CACNA2D2: variants seen among roughly 807,000 people sequenced by gnomAD.
CACNA2D2 encodes voltage-dependent calcium channel subunit alpha-2/delta-2.
CACNA2D2 carries 48 observed loss-of-function variants against 166.4 expected under a neutral mutation model. That is an observed-to-expected ratio of 0.29 (90% confidence interval 0.23 to 0.37). The LOEUF is 0.37. CACNA2D2 is among the 10% of genes least tolerant of loss of function. CACNA2D2 has a pLI of 1.00. For synonymous variants in CACNA2D2, 561 were observed against 573.7 expected (o/e 0.98, Z 0.32); for missense variants, 1,122 against 1,433.0 (o/e 0.78, Z 3.50).
At chr3:50,377,660 C>T in intron 16 of CACNA2D2, 72 bp downstream of exon 16, 1 of 1,569,284 alleles carries the variant, frequency 6.4e-7, no homozygotes. Context: ...CCTCTTCCAC[C>T]CTCAGACCTG....
At chr3:50,410,143 G>A (rs1706927754) in intron 3 of CACNA2D2, among the ~76,000 whole-genome samples, 1 of 152,224 alleles carries the variant, frequency 6.6e-6, no homozygotes, top group Non-Finnish European at 1.5e-5. Flanking sequence ...ACTGCTGGGG[G>A]TCAGTGTTGA....
intron 22 of CACNA2D2, among the ~76,000 whole-genome samples, chr3:50,372,341 G>T (rs1053467920): frequency 6.6e-6 from 1 of 152,160 alleles, no homozygotes; most frequent in African/African-American, 2.4e-5. Context: ...ATTTCCCCAG[G>T]GAAACACCTT....
chr3:50,476,237 TGCCCA>T, intron 1 of CACNA2D2, 38 bp from the exon 2 acceptor site: 2 of 1,513,474 alleles, frequency 1.3e-6, no homozygotes, highest in Non-Finnish European at 1.8e-6. Flanking sequence ...CAGGAGGGCC[TGCCCA>T]GAGCTGCACA....
At chr3:50,403,050 G>T (rs1003935972) in intron 3 of CACNA2D2, among the ~76,000 whole-genome samples, 2 of 152,162 alleles carry the variant, frequency 1.3e-5, no homozygotes, top group African/African-American at 4.8e-5. Context: ...CCCTTGTCCA[G>T]CCACAGAGGC....
chr3:50,405,997 C>T (rs1283493258), intron 3 of CACNA2D2, among the ~76,000 whole-genome samples: 1 of 151,826 alleles, frequency 6.6e-6, no homozygotes, highest in Non-Finnish European at 1.5e-5. Flanking sequence ...AATCTCTACC[C>T]CCTATCCATT....
At chr3:50,394,315 C>T (rs1422281714) in intron 3 of CACNA2D2, 147 bp from the exon 4 acceptor site, 22 of 686,578 alleles carry the variant, frequency 3.2e-5, no homozygotes, top group Non-Finnish European at 2.1e-5. Flanking sequence ...CTCAGAGATT[C>T]TCTGCCCCAG....
At chr3:50,425,835 C>T (rs1270388482) in intron 3 of CACNA2D2, among the ~76,000 whole-genome samples, 1 of 152,186 alleles carries the variant, frequency 6.6e-6, no homozygotes, top group Non-Finnish European at 1.5e-5. Context: ...CTCTCATCTC[C>T]CTGTCCTGGA....
Position 50,365,185 on chromosome 3 carries a change from C to T in CACNA2D2, c.3099-1G>A. ...GGTCAGTCTCTGCGCGTGGAACAGC[C>T]TGCGGGCAGCCCGGAAAGGCGGGGC... On this transcript the variant is annotated splice_acceptor_variant, in intron 35 of 37. Coordinates refer to ENST00000424201, the MANE Select transcript of CACNA2D2 (RefSeq NM_006030.4). LOFTEE classifies it high-confidence loss of function. The surrounding 1 kb of genome is among the most constrained non-coding windows in gnomAD (Gnocchi z 4.5). The T allele has an allele frequency of 6.2e-7, 1 of 1,611,850 alleles. No individual in the cohort carries two copies. Among genetic ancestry groups the T allele is most frequent in the Non-Finnish European group, 8.5e-7 (1 of 1,179,606 alleles).
chr3:50,502,199 C>G (rs1560013873), intron 1 of CACNA2D2, among the ~76,000 whole-genome samples: 2 of 152,120 alleles, frequency 1.3e-5, no homozygotes, highest in Non-Finnish European at 2.9e-5. Flanking sequence ...ACCAGCAGCC[C>G]GACGACTCAT....
At chr3:50,443,985 T>C (rs759846202) in intron 2 of CACNA2D2, among the ~76,000 whole-genome samples, 1 of 152,198 alleles carries the variant, frequency 6.6e-6, no homozygotes, top group Non-Finnish European at 1.5e-5. Flanking sequence ...AGAGTCCTTA[T>C]AGCCCAGAGC....
At chr3:50,426,256 G>A (rs1050275000) in intron 3 of CACNA2D2, among the ~76,000 whole-genome samples, 2 of 152,254 alleles carry the variant, frequency 1.3e-5, no homozygotes, top group Admixed American at 6.5e-5. Context: ...AGCAAGTAGA[G>A]ACTGGAATCA....
At chr3:50,374,270 A>C (rs1575595603) in intron 22 of CACNA2D2, among the ~76,000 whole-genome samples, 1 of 41,240 alleles carries the variant, frequency 2.4e-5, no homozygotes, top group East Asian at 9.7e-4. Flanking sequence ...GAAAAGGGGA[A>C]AGGGAAGGGG....
chr3:50,366,622 C>T lies in CACNA2D2; in HGVS notation c.2593G>A (p.Gly865Ser), dbSNP rs771425016. ...TCCATCTCACAGTGGCTGTTGGGGCCGCACTGCTGGGCAGAGAGTGAGGAC... is the reference window on the plus strand; with the variant it reads ...TCCATCTCACAGTGGCTGTTGGGGCTGCACTGCTGGGCAGAGAGTGAGGAC... ...RTHQDQPQKC[G>S]PNSHCEMDCE... The change falls in exon 30 of 38, where the codon GGC becomes AGC. Residue 865 changes from glycine (G) to serine (S), a missense_variant. Transcript: ENST00000424201. This position sits in a 1 kb window ranked among gnomAD's most constrained non-coding sequence, Gnocchi z 5.9. The T allele has an allele frequency of 2.9e-5, 47 of 1,613,888 alleles. No individual in the cohort carries two copies. The highest frequency in any genetic ancestry group is 2.2e-4 in the East Asian group (10 of 44,880).
chr3:50,405,518 C>T (rs961927233), intron 3 of CACNA2D2, among the ~76,000 whole-genome samples: 4 of 152,220 alleles, frequency 2.6e-5, no homozygotes, highest in Non-Finnish European at 4.4e-5. Context: ...CCCAGGCCCC[C>T]TCATTCCTCG....
intron 22 of CACNA2D2, among the ~76,000 whole-genome samples, chr3:50,370,988 G>C (rs1206827737): frequency 6.6e-6 from 1 of 152,108 alleles, no homozygotes; most frequent in Non-Finnish European, 1.5e-5. Context: ...AGTCCAACCA[G>C]AGACGGGTCG....
rs375436926 is a variant in CACNA2D2 at position 50,365,886 on chromosome 3, A to G, written c.2863-24T>C. 1 of 1,612,604 alleles carries G rather than the reference A, an allele frequency of 6.2e-7. No individual in the cohort carries two copies. Among genetic ancestry groups the G allele is most frequent in the African/African-American group, 1.3e-5 (1 of 74,924 alleles). The stretch of plus-strand genomic sequence containing the variant: ...GGCTGCAGTGGAGAGAGGGGCGTGG[A>G]CTGCCACTGCTGCCCCTCGCCCTAG... On this transcript the variant is annotated intron_variant, in intron 32 of 37. Coordinates refer to ENST00000424201, the MANE Select transcript of CACNA2D2 (RefSeq NM_006030.4). The surrounding 1 kb of genome is among the most constrained non-coding windows in gnomAD (Gnocchi z 4.5).
At position 50,375,999 on chromosome 3, in the gene CACNA2D2, G is replaced by A. The variant is rs2106641004; in HGVS notation, c.1737C>T (p.Phe579=). The change falls in exon 19 of 38, where the codon TTC becomes TTT. Residue 579 remains phenylalanine, a synonymous_variant. Transcript: ENST00000424201. This position sits in a 1 kb window ranked among gnomAD's most constrained non-coding sequence, Gnocchi z 4.0. ...TCTCATCCTCTAGCTCCGCATCCAGGAAGTCCAGAGTCACAGGCTCCCGGA... is the reference window on the plus strand; with the variant it reads ...TCTCATCCTCTAGCTCCGCATCCAGAAAGTCCAGAGTCACAGGCTCCCGGA... ...TNFREPVTLD[F]LDAELEDENK... 6.2e-7 allele frequency: 1 copy of A among 1,613,354 alleles called. No individual in the cohort carries two copies. The highest frequency in any genetic ancestry group is 8.5e-7 in the Non-Finnish European group (1 of 1,179,994).
chr3:50,488,650 A>G (rs1698392352), intron 1 of CACNA2D2, among the ~76,000 whole-genome samples: 1 of 142,118 alleles, frequency 7.0e-6, no homozygotes, highest in Admixed American at 7.2e-5. Context: ...CCCCCTAGCA[A>G]GAAGTGCCCA....
intron 23 of CACNA2D2, among the ~76,000 whole-genome samples, chr3:50,368,526 A>G (rs587743038): frequency 6.6e-6 from 1 of 152,272 alleles, no homozygotes; most frequent in African/African-American, 2.4e-5. Context: ...GGACCCAGAT[A>G]GTGCACCTGA....
Sources: allele counts gnomAD v4.1 joint callset (sites outside exome capture counted in the v4.1 genomes callset), GRCh38; gene constraint gnomAD v4.1.1; non-coding constraint Gnocchi (gnomAD v3.1); transcripts MANE v1.5; gene names NCBI Gene and HGNC (gene_info 2026-07-23, HGNC 2026-07-21).